The following CEP128 variants were observed in gnomAD, a reference collection of about 807,000 sequenced individuals.
The protein encoded by CEP128 is centrosomal protein 128kDa.
Under a neutral mutation model 156.7 loss-of-function variants are expected in CEP128, and 132 were observed. The ratio of observed to expected loss-of-function variants is 0.84; its 90% CI spans 0.73 to 0.97. CEP128 has a LOEUF of 0.97. Among genes scored for constraint, CEP128 ranks in the 50% least tolerant of loss-of-function variants. The pLI is 0.00. For synonymous variants in CEP128, 469 were observed against 448.9 expected (o/e 1.04, Z -0.57); for missense variants, 1,252 against 1,281.9 (o/e 0.98, Z 0.36).
intron 19 of CEP128, among the ~76,000 whole-genome samples, chr14:80,658,652 A>T (rs1297226781): frequency 6.6e-6 from 1 of 152,242 alleles, no homozygotes; most frequent in African/African-American, 2.4e-5. Context: ...ACATCTTAAA[A>T]TAAGAATGAT....
At chr14:80,486,337 CA>C (rs1887164787), downstream of CEP128, among the ~76,000 whole-genome samples, 1 of 151,930 alleles carries the variant, frequency 6.6e-6, no homozygotes, top group African/African-American at 2.4e-5. Flanking sequence ...TAAAAAGAAA[CA>C]AACAAAGCCT....
intron 19 of CEP128, among the ~76,000 whole-genome samples, chr14:80,682,201 A>G (rs1420434911): frequency 1.3e-5 from 2 of 152,198 alleles, no homozygotes; most frequent in Non-Finnish European, 2.9e-5. Flanking sequence ...TGAAAACCAA[A>G]CCCAGAAACT....
chr14:80,672,941 A>T (rs866339072), intron 19 of CEP128, among the ~76,000 whole-genome samples: 3 of 152,206 alleles, frequency 2.0e-5, no homozygotes, highest in African/African-American at 7.2e-5. Context: ...TTTTTATAAA[A>T]ATAATTTATT....
At chr14:80,693,891 C>T (rs1896800102) in intron 19 of CEP128, among the ~76,000 whole-genome samples, 1 of 152,152 alleles carries the variant, frequency 6.6e-6, no homozygotes, top group South Asian at 2.1e-4. Context: ...AAGAAAAATA[C>T]TGCAATTGAA....
At chr14:80,592,272 G>C (rs1204908854) in intron 19 of CEP128, among the ~76,000 whole-genome samples, 2 of 152,120 alleles carry the variant, frequency 1.3e-5, no homozygotes, top group Non-Finnish European at 2.9e-5. Context: ...TAATAAGGTA[G>C]AAAACAGGGG....
At chr14:80,762,654 T>C (rs757138760) in intron 16 of CEP128, among the ~76,000 whole-genome samples, 6 of 152,230 alleles carry the variant, frequency 3.9e-5, no homozygotes, top group Non-Finnish European at 7.3e-5. Flanking sequence ...ATCTATCTTC[T>C]GTACTTCTCT....
chr14:80,828,819 G>C (rs1419689734), intron 13 of CEP128, among the ~76,000 whole-genome samples: 1 of 151,974 alleles, frequency 6.6e-6, no homozygotes, highest in African/African-American at 2.4e-5. Context: ...TATGTTCTTG[G>C]GCCTGACCAA....
chr14:80,530,706 T>C (rs757474969), intron 22 of CEP128, 103 bp downstream of exon 22: 3 of 665,174 alleles, frequency 4.5e-6, no homozygotes, highest in Non-Finnish European at 7.3e-6. Flanking sequence ...CCAATGTTTT[T>C]TGGTCCTTCT....
chr14:80,720,584 C>G (rs554464783), intron 19 of CEP128, among the ~76,000 whole-genome samples: 10 of 152,230 alleles, frequency 6.6e-5, no homozygotes, highest in Non-Finnish European at 1.5e-4. Context: ...GGAAGATTGT[C>G]CGAGAAATTA....
Position 80,792,969 on chromosome 14 carries a change from C to T in CEP128, c.1351G>A (p.Ala451Thr). ...DLQISELTRH[A>T]EDATKQAERY... ...TCAGCCTGCTTGGTTGCATCCTCCG[C>T]ATGGCGAGTCAGCTCTGAGATCTGA... Residue 451 changes from alanine to threonine, a missense_variant, in exon 14 of 25, where the codon GCG (alanine) becomes ACG (threonine). Ala to Thr is a moderately conservative substitution (Grantham distance 58). Transcript: ENST00000555265. 2 of 1,614,208 alleles carry T rather than the reference C, an allele frequency of 1.2e-6. No individual in the cohort carries two copies. The highest frequency in any genetic ancestry group is 1.3e-5 in the African/African-American group (1 of 75,080).
Position 80,526,982 on chromosome 14 carries a change from C to A in CEP128, c.2959G>T (p.Asp987Tyr). The A allele has an allele frequency of 4.3e-6, 6 of 1,405,722 alleles. No homozygotes were observed. The highest frequency in any genetic ancestry group is 2.5e-5 in the East Asian group (1 of 40,744). The allele number at this position is 1,405,722 out of a possible 1,614,324, so 87.1% of individuals were successfully genotyped here. A position where few individuals can be genotyped will look rare whatever the true frequency, so the allele number is the denominator to read the frequency against. Residue 987 changes from aspartate to tyrosine, a missense_variant and splice_region_variant, in exon 23 of 25, where the codon GAT (aspartate) becomes TAT (tyrosine). Transcript: ENST00000555265. ...SLLEDFKDFR[D>Y]SCSSSERTDG... ...GTTCTCTCAGATGAACTGCAGGAAT[C>A]CTGGAAAAAAAAAAAAGCAAAGGGT... is the stretch of plus-strand genomic sequence containing the variant.
In CEP128 at chr14:80,786,588, A is replaced by G. The variant is rs149196219; in HGVS notation, c.1561-1043T>C. Among the ~76,000 whole-genome samples the G allele has an allele frequency of 1.4e-4, 22 of 152,338 alleles. No homozygotes were observed. In the East Asian group the frequency reaches 3.5e-3, roughly 24 times the overall value. On this transcript the variant is annotated intron_variant, in intron 14 of 24. Coordinates refer to ENST00000555265, the MANE Select transcript of CEP128 (RefSeq NM_152446.5). ...GAGAACTAACAAAAGGAGATGAATA[A>G]GCAGTTGAGCTCTGACCAGAAAGAA...
intron 19 of CEP128, among the ~76,000 whole-genome samples, chr14:80,736,960 A>G (rs2139562673): frequency 6.6e-6 from 1 of 152,362 alleles, no homozygotes; most frequent in East Asian, 1.9e-4. Flanking sequence ...ATTTCAATTC[A>G]TAACAGAAAA....
intron 18 of CEP128, among the ~76,000 whole-genome samples, chr14:80,752,593 T>C (rs1299363905): frequency 6.6e-6 from 1 of 152,194 alleles, no homozygotes; most frequent in Non-Finnish European, 1.5e-5. Context: ...CAATAAGAAT[T>C]AAGTACACTG....
chr14:80,555,637 C>A (rs998582004), intron 21 of CEP128, among the ~76,000 whole-genome samples: 46 of 152,034 alleles, frequency 3.0e-4, no homozygotes, highest in Admixed American at 2.8e-3. Flanking sequence ...TTTTAACAAA[C>A]CCTTTTGTTC....
intron 2 of CEP128, among the ~76,000 whole-genome samples, chr14:80,926,421 C>T (rs1450542044): frequency 2.0e-5 from 3 of 152,148 alleles, no homozygotes; most frequent in East Asian, 1.9e-4. Flanking sequence ...GTGCAGCAGA[C>T]GTAGCTGTGC....
chr14:80,756,721 A>C (rs1290674225), intron 18 of CEP128, among the ~76,000 whole-genome samples, 171 bp downstream of exon 18: 1 of 152,188 alleles, frequency 6.6e-6, no homozygotes, highest in African/African-American at 2.4e-5. Context: ...TTAAAATGTT[A>C]AAATAAGAAA....
intron 13 of CEP128, 40 bp from the exon 14 acceptor site, chr14:80,793,150 G>A: frequency 6.7e-7 from 1 of 1,494,866 alleles, no homozygotes; most frequent in Non-Finnish European, 9.2e-7. Flanking sequence ...ACAAATCCTT[G>A]TCAAAATTGG....
intron 13 of CEP128, among the ~76,000 whole-genome samples, chr14:80,812,561 GGTTGTT>G (rs200327964): frequency 3.3e-5 from 5 of 151,802 alleles, no homozygotes; most frequent in Non-Finnish European, 7.4e-5. Flanking sequence ...CCTTGCCTCT[GGTTGTT>G]GTTGTTGTTG....
Sources: gnomAD v4.1 joint callset for allele counts (sites outside exome capture counted in the v4.1 genomes callset) on GRCh38, gnomAD v4.1.1 for gene constraint, MANE v1.5 for transcripts, NCBI Gene and HGNC (gene_info 2026-07-23, HGNC 2026-07-21) for gene names.